The following TENM3 variants were observed in gnomAD, a reference collection of about 807,000 sequenced individuals.
TENM3 encodes teneurin-3.
TENM3 carries 63 observed loss-of-function variants against 255.1 expected under a neutral mutation model. The ratio of observed to expected loss-of-function variants is 0.25; its 90% CI spans 0.20 to 0.30. The LOEUF (loss-of-function observed/expected upper bound fraction) is 0.30. TENM3 is among the 10% of genes least tolerant of loss of function. The pLI is 1.00. For missense variants in TENM3, 2,929 were observed against 3,461.1 expected (o/e 0.85, Z 3.86); for synonymous variants, 1,306 against 1,322.3 (o/e 0.99, Z 0.27).
the TENM3 span, among the ~76,000 whole-genome samples, chr4:181,467,060 A>G: frequency 0.22 from 19,208 of 88,878 alleles, 2,609 homozygotes; most frequent in Non-Finnish European, 0.25. Flanking sequence ...ATATTTTACT[A>G]GTGTGTGTGT....
intron 22 of TENM3, among the ~76,000 whole-genome samples, chr4:182,764,464 C>T (rs185406926): frequency 1.6e-4 from 24 of 152,200 alleles, no homozygotes; most frequent in Admixed American, 2.6e-4. Flanking sequence ...CGTGGAGGTA[C>T]AGAGGAGGAT....
the TENM3 span, among the ~76,000 whole-genome samples, chr4:182,100,273 A>G: frequency 2.0e-4 from 30 of 151,722 alleles, no homozygotes; most frequent in Non-Finnish European, 2.8e-4. Context: ...CTCACTTGAG[A>G]CATCCATTTC....
chr4:182,015,829 G>A, the TENM3 span, among the ~76,000 whole-genome samples: 2 of 152,150 alleles, frequency 1.3e-5, no homozygotes, highest in African/African-American at 4.8e-5. Flanking sequence ...TTACAGGCGT[G>A]AGCCACTGCG....
chr4:181,858,258 A>G, the TENM3 span, among the ~76,000 whole-genome samples: 1 of 152,138 alleles, frequency 6.6e-6, no homozygotes, highest in African/African-American at 2.4e-5. Context: ...GTTTAGATTT[A>G]TAGGTTTTGC....
chr4:182,665,752 C>T (rs985758822), intron 6 of TENM3, among the ~76,000 whole-genome samples: 5 of 151,986 alleles, frequency 3.3e-5, no homozygotes, highest in South Asian at 2.1e-4. Flanking sequence ...AAAATTTAGC[C>T]GGACATGGTG....
At chr4:182,116,081 C>T in the TENM3 span, among the ~76,000 whole-genome samples, 2 of 152,106 alleles carry the variant, frequency 1.3e-5, no homozygotes, top group African/African-American at 4.8e-5. Context: ...TTAGGATTCA[C>T]TCTTAGTATG....
At chr4:181,807,862 G>A in the TENM3 span, among the ~76,000 whole-genome samples, 4 of 152,144 alleles carry the variant, frequency 2.6e-5, no homozygotes, top group Non-Finnish European at 5.9e-5. Context: ...CCATTCAGTA[G>A]AAGGATATTC....
chr4:181,648,456 A>C, the TENM3 span, among the ~76,000 whole-genome samples: 2 of 152,190 alleles, frequency 1.3e-5, no homozygotes, highest in Non-Finnish European at 1.5e-5. Flanking sequence ...GTATTTAGCT[A>C]TCTTCCAAAA....
At chr4:182,357,561 GTTGT>G (rs1268528732) in intron 3 of TENM3, among the ~76,000 whole-genome samples, 14 of 146,812 alleles carry the variant, frequency 9.5e-5, no homozygotes, top group East Asian at 2.0e-4. Context: ...TTTTGATGGG[GTTGT>G]TTGTTTTTTT....
chr4:181,828,684 G>A, the TENM3 span, among the ~76,000 whole-genome samples: 2 of 152,136 alleles, frequency 1.3e-5, no homozygotes, highest in Non-Finnish European at 2.9e-5. Flanking sequence ...CACCTTGCAG[G>A]TTCAAGTGAT....
At chr4:181,604,347 C>T in the TENM3 span, among the ~76,000 whole-genome samples, 1 of 152,200 alleles carries the variant, frequency 6.6e-6, no homozygotes, top group Non-Finnish European at 1.5e-5. Context: ...CCAATAGGCA[C>T]TCAAAAGCAA....
the TENM3 span, among the ~76,000 whole-genome samples, chr4:182,127,295 T>C: frequency 6.6e-6 from 1 of 152,322 alleles, no homozygotes; most frequent in East Asian, 1.9e-4. Context: ...AATTGTACGT[T>C]CCTCCAGAGA....
the TENM3 span, among the ~76,000 whole-genome samples, chr4:181,674,083 C>T: frequency 6.6e-6 from 1 of 152,248 alleles, no homozygotes; most frequent in East Asian, 1.9e-4. Context: ...GCAACCTCCA[C>T]CTCCTGGGCT....
chr4:181,591,332 G>T, the TENM3 span, among the ~76,000 whole-genome samples: 1 of 152,264 alleles, frequency 6.6e-6, no homozygotes, highest in Admixed American at 6.5e-5. Flanking sequence ...ATTAAAAATT[G>T]AAAATATACC....
intron 3 of TENM3, among the ~76,000 whole-genome samples, chr4:182,453,088 A>G (rs1373023716): frequency 2.6e-5 from 4 of 152,144 alleles, no homozygotes; most frequent in Non-Finnish European, 5.9e-5. Flanking sequence ...TTTCATATTT[A>G]AGAAACCAGT....
chr4:181,822,846 G>A, the TENM3 span, among the ~76,000 whole-genome samples: 23 of 152,252 alleles, frequency 1.5e-4, no homozygotes, highest in Non-Finnish European at 3.1e-4. Flanking sequence ...GCAAATAAAA[G>A]GGGAGCTGTA....
intron 3 of TENM3, among the ~76,000 whole-genome samples, chr4:182,506,583 A>T (rs1194072955): frequency 2.0e-5 from 3 of 152,248 alleles, no homozygotes; most frequent in African/African-American, 7.2e-5. Context: ...TATTAAAATT[A>T]AAAAATAGTC....
At chr4:182,666,527 G>T (rs911860755) in intron 6 of TENM3, among the ~76,000 whole-genome samples, 2 of 152,180 alleles carry the variant, frequency 1.3e-5, no homozygotes, top group Non-Finnish European at 2.9e-5. Context: ...CCAGCAAAAA[G>T]ATGATGACTT....
the TENM3 span, among the ~76,000 whole-genome samples, chr4:181,451,576 A>C: frequency 6.6e-6 from 1 of 152,166 alleles, no homozygotes; most frequent in Non-Finnish European, 1.5e-5. Flanking sequence ...AAAAGAGTGA[A>C]GGTGTAGGGG....
Sources: allele counts gnomAD v4.1 joint callset (sites outside exome capture counted in the v4.1 genomes callset), GRCh38; gene constraint gnomAD v4.1.1; transcripts MANE v1.5; gene names NCBI Gene and HGNC (gene_info 2026-07-23, HGNC 2026-07-21).